NDUFAF7: variants seen among roughly 807,000 people sequenced by gnomAD.
The protein encoded by NDUFAF7 is NADH:ubiquinone oxidoreductase complex assembly factor 7.
Under a neutral mutation model 47.2 loss-of-function variants are expected in NDUFAF7, and 48 were observed. That is an observed-to-expected ratio of 1.02 (90% CI 0.81 to 1.29). The LOEUF (loss-of-function observed/expected upper bound fraction) is 1.29, where lower values mean the gene tolerates loss of function less well. Ranked by LOEUF, NDUFAF7 falls within the 50% of genes most tolerant of loss-of-function variation. NDUFAF7 has a pLI of 0.00. For missense variants in NDUFAF7, 635 were observed against 537.6 expected, an observed-to-expected ratio of 1.18 and a Z score of -1.79; for synonymous variants, 217 against 190.0, an observed-to-expected ratio of 1.14 and a Z score of -1.17.
At chr2:37,254,178 C>T, downstream of NDUFAF7, 2 of 1,549,560 alleles carry the variant, frequency 1.3e-6, no homozygotes, top group Non-Finnish European at 1.8e-6. Flanking sequence ...TGAGGATTGC[C>T]AAAGAGAGAT....
rs11888447 is a variant in NDUFAF7 at position 37,237,552 on chromosome 2, A to G, written c.298-205A>G. On this transcript the variant is annotated intron_variant, in intron 3 of 9. Transcript: ENST00000002125. ...AGCAGAGGCTGCCTTATTTTTTCCT[A>G]TTAATCTTCCTAAATGGTGTATGTT... is the stretch of plus-strand genomic sequence containing the variant. Among the ~76,000 whole-genome samples the G allele has an allele frequency of 5.2e-3, 786 of 152,232 alleles. 4 individuals carry two copies. The highest frequency in any genetic ancestry group is 0.018 in the African/African-American group (736 of 41,540).
chr2:37,246,396 G>T (rs1165704871), intron 8 of NDUFAF7, among the ~76,000 whole-genome samples: 1 of 152,110 alleles, frequency 6.6e-6, no homozygotes, highest in Non-Finnish European at 1.5e-5. Flanking sequence ...CCTTTAACAG[G>T]ATCTGAATTG....
intron 2 of NDUFAF7, 101 bp downstream of exon 2, chr2:37,232,367 G>GT: frequency 6.8e-7 from 1 of 1,473,332 alleles, no homozygotes; most frequent in Non-Finnish European, 9.5e-7. Flanking sequence ...GGCAGTGGGG[G>GT]TGCCTGCCAG....
chr2:37,248,212 G>A lies in NDUFAF7; in HGVS notation c.1188G>A (p.Lys396=). The A allele has an allele frequency of 6.2e-7, 1 of 1,613,962 alleles. No individual in the cohort carries two copies. The highest frequency in any genetic ancestry group is 1.1e-5 in the South Asian group (1 of 91,088). The change falls in exon 10 of 10, where the codon AAG becomes AAA. Residue 396 remains lysine (K), a synonymous_variant. Coordinates refer to ENST00000002125, the MANE Select transcript of NDUFAF7 (RefSeq NM_144736.5). ...GATATGATATGTTAATGAATCCAAA[G>A]AAGATGGGAGAGAGATTTAACTTTT... is the stretch of plus-strand genomic sequence containing the variant. The part of the protein sequence containing the change: ...LQGYDMLMNP[K]KMGERFNFFA...
chr2:37,241,716 C>G lies in NDUFAF7; in HGVS notation c.547C>G (p.Pro183Ala). Residue 183 changes from proline (P) to alanine (A), a missense_variant, in exon 5 of 10, where the codon CCA (proline) becomes GCA (alanine). By Grantham distance (27) the Pro-to-Ala change is conservative. Coordinates refer to ENST00000002125, the MANE Select transcript of NDUFAF7 (RefSeq NM_144736.5). ...CCCGTTAGAGCGAAATGCTGGATCC[C>G]CAGTGTATATGAAAGGTGTCACTAA... is the stretch of plus-strand genomic sequence containing the variant. The part of the protein sequence containing the change: ...KVPLERNAGS[P>A]VYMKGVTKSG... 6.2e-7 allele frequency: 1 copy of G among 1,613,828 alleles called. No homozygotes were observed. Among genetic ancestry groups the G allele is most frequent in the Non-Finnish European group, 8.5e-7 (1 of 1,179,944 alleles).
intron 8 of NDUFAF7, 195 bp from the exon 9 acceptor site, chr2:37,247,261 C>G (rs1233329981): frequency 6.2e-6 from 4 of 647,588 alleles, no homozygotes; most frequent in African/African-American, 1.8e-5. Context: ...TAGTGTATCT[C>G]AGGTGATTCT....
At chr2:37,245,404 ATACT>A (rs1329326450) in intron 7 of NDUFAF7, among the ~76,000 whole-genome samples, 1 of 152,248 alleles carries the variant, frequency 6.6e-6, no homozygotes, top group East Asian at 1.9e-4. Context: ...ACAAGTGTTA[ATACT>A]TAGTGTGATT....
intron 2 of NDUFAF7, 24 bp downstream of exon 2, chr2:37,232,290 C>T (rs1665242472): frequency 6.2e-7 from 1 of 1,611,958 alleles, no homozygotes; most frequent in Admixed American, 1.7e-5. Flanking sequence ...AGCCCGAGGA[C>T]TAGGCCCTCT....
downstream of NDUFAF7, chr2:37,256,651 T>C (rs753805257): frequency 1.4e-6 from 2 of 1,406,430 alleles, no homozygotes; most frequent in African/African-American, 2.9e-5. Flanking sequence ...TTTTTTTTTT[T>C]TTTTTTTTAC....
At chr2:37,268,452 T>TA in the NDUFAF7 span, 1 of 433,308 alleles carries the variant, frequency 2.3e-6, no homozygotes, top group Non-Finnish European at 4.7e-6. Context: ...GTCACAATAC[T>TA]AGGTGCTAGG....
the NDUFAF7 span, chr2:37,269,446 A>T: frequency 1.6e-6 from 1 of 613,054 alleles, no homozygotes; most frequent in Admixed American, 2.8e-5. Context: ...ACATTAAGGG[A>T]AGAATACTCA....
chr2:37,245,570 G>C (rs182882490), intron 7 of NDUFAF7, among the ~76,000 whole-genome samples: 1 of 152,268 alleles, frequency 6.6e-6, no homozygotes, highest in Admixed American at 6.5e-5. Flanking sequence ...ACAACAGAGG[G>C]CATGATAATA....
the NDUFAF7 span, chr2:37,260,394 G>C: frequency 6.2e-7 from 1 of 1,605,804 alleles, no homozygotes; most frequent in Non-Finnish European, 8.5e-7. Context: ...TCTGAAGAGA[G>C]GTTGCAAGAT....
chr2:37,257,077 A>G, downstream of NDUFAF7: 1 of 956,140 alleles, frequency 1.0e-6, no homozygotes, highest in East Asian at 2.6e-5. Flanking sequence ...AAATTGTAAA[A>G]TATCCTTTTC....
chr2:37,259,029 T>G, the NDUFAF7 span, among the ~76,000 whole-genome samples: 2 of 147,458 alleles, frequency 1.4e-5, no homozygotes, highest in African/African-American at 5.0e-5. Flanking sequence ...GCAATAAATT[T>G]AGTGGATCAA....
chr2:37,269,356 A>G, the NDUFAF7 span: 2 of 446,262 alleles, frequency 4.5e-6, no homozygotes, highest in African/African-American at 3.9e-5. Flanking sequence ...TCCGACAAAC[A>G]TCTGTATGTG....
At chr2:37,255,688 A>G (rs1667874786), downstream of NDUFAF7, among the ~76,000 whole-genome samples, 1 of 152,168 alleles carries the variant, frequency 6.6e-6, no homozygotes, top group Non-Finnish European at 1.5e-5. Flanking sequence ...TAGAAAAGTC[A>G]ATTATGAAAA....
rs371573364 is a variant in NDUFAF7, at chr2:37,247,465, G to A, written c.946G>A (p.Asp316Asn). 22 of 1,613,824 alleles carry A rather than the reference G, an allele frequency of 1.4e-5. No individual in the cohort carries two copies. In the Admixed American group the frequency reaches 2.0e-4, roughly 15 times the overall value. The change falls in exon 9 of 10, where the codon GAC (aspartate) becomes AAC (asparagine). Residue 316 changes from aspartate to asparagine, a missense_variant. Asp to Asn is a conservative substitution (Grantham distance 23). Coordinates refer to ENST00000002125, the MANE Select transcript of NDUFAF7 (RefSeq NM_144736.5). The stretch of plus-strand genomic sequence containing the variant: ...TTTCTTTATGTTCAAGGGGTTTTGC[G>A]ACCACAAGCTTCATGATGTCTTAAT... Reference protein sequence around the residue: ...TKTDTFRGFCDHKLHDVLIAP... With the variant: ...TKTDTFRGFCNHKLHDVLIAP...
At chr2:37,236,877 A>C (rs893350773) in intron 3 of NDUFAF7, among the ~76,000 whole-genome samples, 10 of 151,976 alleles carry the variant, frequency 6.6e-5, no homozygotes, top group African/African-American at 2.4e-4. Flanking sequence ...AGGAAGAGAG[A>C]AAAGATAAAG....
Sources: allele counts gnomAD v4.1 joint callset (sites outside exome capture counted in the v4.1 genomes callset), GRCh38; gene constraint gnomAD v4.1.1; transcripts MANE v1.5; gene names NCBI Gene and HGNC (gene_info 2026-07-23, HGNC 2026-07-21).